Variants in SUCLG2 observed in about 807,000 individuals in gnomAD.
The protein encoded by SUCLG2 is succinate--CoA ligase [GDP-forming] subunit beta, mitochondrial.
Under a neutral mutation model 47.9 loss-of-function variants are expected in SUCLG2, and 42 were observed. The ratio of observed to expected loss-of-function variants is 0.88; its 90% CI spans 0.69 to 1.14. SUCLG2 has a LOEUF of 1.14. SUCLG2 is among the 50% of genes most tolerant of loss of function. SUCLG2 has a pLI of 0.00. For synonymous variants in SUCLG2, 195 were observed against 197.3 expected (o/e 0.99, Z 0.10); for missense variants, 571 against 525.9 (o/e 1.09, Z -0.84).
intron 9 of SUCLG2, among the ~76,000 whole-genome samples, chr3:67,429,663 CAA>C (rs1703424157): frequency 6.6e-6 from 1 of 152,012 alleles, no homozygotes; most frequent in Non-Finnish European, 1.5e-5. Context: ...GCAAATTGGA[CAA>C]AGAGTCAAGA....
rs371241714 is a variant in SUCLG2, at chr3:67,593,662, A to G, written c.226+15793T>C. Among the ~76,000 whole-genome samples the G allele has an allele frequency of 9.2e-5, 14 of 152,328 alleles. 1 individual carries two copies. In the East Asian group the frequency reaches 2.5e-3, roughly 27 times the overall value. ...CCCATTAATCTATTTACCACAGGAC[A>G]GTCCACAGGGTGACCGACTCATCCT... is the stretch of plus-strand genomic sequence containing the variant. On this transcript the variant is annotated intron_variant, in intron 2 of 10. Transcript: ENST00000307227.
chr3:67,466,017 TGAC>T (rs1404345069), intron 9 of SUCLG2, among the ~76,000 whole-genome samples: 2 of 152,190 alleles, frequency 1.3e-5, no homozygotes, highest in Non-Finnish European at 1.5e-5. Flanking sequence ...ACTCTTTTAA[TGAC>T]ACACACAGCC....
At chr3:67,475,333 T>C (rs887455298) in intron 9 of SUCLG2, among the ~76,000 whole-genome samples, 2 of 152,200 alleles carry the variant, frequency 1.3e-5, no homozygotes, top group Non-Finnish European at 2.9e-5. Flanking sequence ...TTTCTCTTCA[T>C]TGCAAAAATG....
At chr3:67,392,581 C>T (rs1702414580) in intron 10 of SUCLG2, among the ~76,000 whole-genome samples, 1 of 152,144 alleles carries the variant, frequency 6.6e-6, no homozygotes, top group Non-Finnish European at 1.5e-5. Context: ...AAATTTATCC[C>T]ATGTTAGACA....
At chr3:67,632,610 C>T (rs571093053) in intron 1 of SUCLG2, among the ~76,000 whole-genome samples, 2 of 152,064 alleles carry the variant, frequency 1.3e-5, no homozygotes, top group Non-Finnish European at 2.9e-5. Context: ...TGAGCCCTGG[C>T]CCCACTATGA....
chr3:67,436,928 C>A (rs1012899193), intron 9 of SUCLG2, among the ~76,000 whole-genome samples: 26 of 151,216 alleles, frequency 1.7e-4, no homozygotes, highest in African/African-American at 6.1e-4. Flanking sequence ...TTTGCTTTTT[C>A]TTTTCTTTTA....
intron 1 of SUCLG2, among the ~76,000 whole-genome samples, chr3:67,630,603 C>T (rs55744006): frequency 0.016 from 2,446 of 152,330 alleles, 67 homozygotes; most frequent in African/African-American, 0.054. Context: ...AATCCTTGCT[C>T]GCAAGGCACT....
chr3:67,651,501 G>C (rs1226813516), intron 1 of SUCLG2, among the ~76,000 whole-genome samples: 3 of 152,162 alleles, frequency 2.0e-5, no homozygotes, highest in Non-Finnish European at 1.5e-5. Context: ...TACATATAAT[G>C]CTGAGCAATG....
At chr3:67,624,935 C>T (rs941631555) in intron 1 of SUCLG2, among the ~76,000 whole-genome samples, 3 of 152,158 alleles carry the variant, frequency 2.0e-5, no homozygotes, top group African/African-American at 4.8e-5. Context: ...AAAGTACACA[C>T]AAAAAGACTC....
intron 2 of SUCLG2, among the ~76,000 whole-genome samples, chr3:67,530,998 T>C (rs73088970): frequency 0.11 from 16,248 of 152,282 alleles, 1,214 homozygotes; most frequent in Middle Eastern, 0.18. Context: ...TCACTTTCTT[T>C]GTAGAGAAGA....
At chr3:67,561,442 C>G (rs568186656) in intron 2 of SUCLG2, among the ~76,000 whole-genome samples, 1 of 152,120 alleles carries the variant, frequency 6.6e-6, no homozygotes, top group Non-Finnish European at 1.5e-5. Flanking sequence ...AAGTTCCCAA[C>G]AACTATTTAA....
intron 1 of SUCLG2, among the ~76,000 whole-genome samples, chr3:67,615,684 T>C (rs1302985570): frequency 2.0e-5 from 3 of 148,670 alleles, no homozygotes; most frequent in Non-Finnish European, 3.0e-5. Flanking sequence ...GAAGGTCAGG[T>C]GAAATGCACT....
At chr3:67,376,643 C>T (rs1441539067) in intron 10 of SUCLG2, 2 of 376,118 alleles carry the variant, frequency 5.3e-6, no homozygotes, top group African/African-American at 4.4e-5. Flanking sequence ...GGAGAACTTG[C>T]CTTACCACAA....
At chr3:67,559,415 C>A (rs188839688) in intron 2 of SUCLG2, among the ~76,000 whole-genome samples, 2 of 152,094 alleles carry the variant, frequency 1.3e-5, no homozygotes, top group East Asian at 3.9e-4. Flanking sequence ...GAAGCAAATA[C>A]CTTCTTCACA....
chr3:67,451,007 T>G (rs534235700), intron 9 of SUCLG2, among the ~76,000 whole-genome samples: 63 of 152,344 alleles, frequency 4.1e-4, no homozygotes, highest in African/African-American at 1.4e-3. Flanking sequence ...TTTCACTTGC[T>G]TATCTCATAA....
rs184805198 is a variant in SUCLG2 at position 67,430,696 on chromosome 3, G to C, written c.1063-29845C>G. Among the ~76,000 whole-genome samples, 657 of 152,202 alleles carry C rather than the reference G, an allele frequency of 4.3e-3. 4 individuals carry two copies. The highest frequency in any genetic ancestry group is 0.015 in the African/African-American group (632 of 41,520). ...TTTGAAAAGATCAACAAAATTGATA[G>C]ACCACTAGCAAGATTAATCAAGAAG... On this transcript the variant is annotated intron_variant, in intron 9 of 10. Coordinates refer to ENST00000307227, the MANE Select transcript of SUCLG2 (RefSeq NM_003848.4).
rs754866312 is a variant in SUCLG2 at position 67,592,718 on chromosome 3, C to CAAA, written c.226+16734_226+16736dup. Among the ~76,000 whole-genome samples the CAAA allele has an allele frequency of 7.9e-4, 63 of 80,248 alleles. 2 individuals are homozygous for CAAA. Among genetic ancestry groups the CAAA allele is most frequent in the African/African-American group, 3.2e-3 (54 of 16,772 alleles). 52.6% of individuals were successfully genotyped at this position (80,248 alleles called of 152,430 possible). On this transcript the variant is annotated intron_variant, in intron 2 of 10. Coordinates refer to ENST00000307227, the MANE Select transcript of SUCLG2 (RefSeq NM_003848.4). ...AAGCATATGTAACTCTCACATCCTCCAAAAAAAAAAAAAAAAAACAACAAA... is the reference window on the plus strand; with the variant it reads ...AAGCATATGTAACTCTCACATCCTCCAAAAAAAAAAAAAAAAAAAAACAACAAA...
chr3:67,381,247 A>T (rs570213469), intron 10 of SUCLG2, among the ~76,000 whole-genome samples: 1 of 152,262 alleles, frequency 6.6e-6, no homozygotes, highest in Non-Finnish European at 1.5e-5. Flanking sequence ...CAGAGAGTGG[A>T]AACAGGTTAT....
rs368610155 is a variant in SUCLG2 at position 67,499,706 on chromosome 3, ATGTT to A, written c.758-1415_758-1412del. 3.5e-3 allele frequency among the ~76,000 whole-genome samples: 524 copies of A among 151,552 alleles called. 3 individuals are homozygous for A. The highest frequency in any genetic ancestry group is 8.1e-3 in the African/African-American group (331 of 41,076). ...TGTTCTGTGATGCCATGTCATCATA[ATGTT>A]TGTTTGTTTGTTTATTTATTTATTT... On this transcript the variant is annotated intron_variant, in intron 7 of 10. Coordinates refer to ENST00000307227, the MANE Select transcript of SUCLG2 (RefSeq NM_003848.4).
Sources: allele counts gnomAD v4.1 joint callset (sites outside exome capture counted in the v4.1 genomes callset), GRCh38; gene constraint gnomAD v4.1.1; transcripts MANE v1.5; gene names NCBI Gene and HGNC (gene_info 2026-07-23, HGNC 2026-07-21).